Variants in BEAN1 observed in about 807,000 individuals in gnomAD.
BEAN1 encodes the protein protein BEAN1.
Under a neutral mutation model 17.7 loss-of-function variants are expected in BEAN1, and 17 were observed. That is an observed-to-expected ratio of 0.96 (90% CI 0.66 to 1.44). The LOEUF (loss-of-function observed/expected upper bound fraction) is 1.44. Among genes scored for constraint, BEAN1 ranks in the 40% most tolerant of loss-of-function variants. The probability of loss-of-function intolerance (pLI) is 0.00; values close to 1 mark genes in which losing one functional copy is unlikely to be tolerated. For synonymous variants in BEAN1, 142 were observed against 151.8 expected (o/e 0.94, Z 0.47); for missense variants, 359 against 374.1 (o/e 0.96, Z 0.33).
chr16:66,441,585 C>A (rs998532762), intron 2 of BEAN1, among the ~76,000 whole-genome samples: 7 of 152,166 alleles, frequency 4.6e-5, no homozygotes, highest in Admixed American at 3.9e-4. Context: ...CTACTCCCTG[C>A]CAGGTTAGAA....
intron 2 of BEAN1, among the ~76,000 whole-genome samples, chr16:66,444,920 G>A (rs147889805): frequency 2.4e-4 from 37 of 152,318 alleles, no homozygotes; most frequent in African/African-American, 7.9e-4. Flanking sequence ...CTGCAGCACC[G>A]CTCCATCATG....
intron 2 of BEAN1, among the ~76,000 whole-genome samples, chr16:66,457,016 G>C (rs1402486181): frequency 6.6e-6 from 1 of 152,214 alleles, no homozygotes; most frequent in African/African-American, 2.4e-5. Flanking sequence ...GTGCTCTCCT[G>C]TTCACTCTGA....
intron 1 of BEAN1, among the ~76,000 whole-genome samples, chr16:66,429,522 C>T (rs1452772609): frequency 2.0e-5 from 3 of 152,266 alleles, no homozygotes; most frequent in Non-Finnish European, 4.4e-5. Context: ...ATGTTGGTCC[C>T]TGGCCACCTG....
intron 2 of BEAN1, among the ~76,000 whole-genome samples, chr16:66,438,589 G>C (rs1009736203): frequency 6.6e-6 from 1 of 152,148 alleles, no homozygotes; most frequent in African/African-American, 2.4e-5. Context: ...GAAGCCTGTA[G>C]ATGATCTTGC....
intron 2 of BEAN1, among the ~76,000 whole-genome samples, chr16:66,447,096 C>T (rs994360826): frequency 6.6e-6 from 1 of 152,122 alleles, no homozygotes; most frequent in African/African-American, 2.4e-5. Flanking sequence ...ATACCAAGAC[C>T]CTGTCTCTAC....
At chr16:66,456,486 A>G (rs1380947170) in intron 2 of BEAN1, among the ~76,000 whole-genome samples, 2 of 152,178 alleles carry the variant, frequency 1.3e-5, no homozygotes, top group African/African-American at 4.8e-5. Context: ...TATATTATAT[A>G]TATAAAAGCC....
intron 3 of BEAN1, among the ~76,000 whole-genome samples, chr16:66,474,605 A>AGGGAGGGAGGGAGG (rs1963640670): frequency 1.4e-4 from 1 of 6,956 alleles, no homozygotes; most frequent in African/African-American, 6.9e-4. Flanking sequence ...AGGGAGGGAG[A>AGGGAGGGAGGGAGG]GAGGGAGGGA....
chr16:66,448,716 G>A (rs1281501372), intron 2 of BEAN1, among the ~76,000 whole-genome samples: 1 of 152,232 alleles, frequency 6.6e-6, no homozygotes, highest in East Asian at 1.9e-4. Context: ...CCAGCTACTT[G>A]GGAGGCAGAG....
At chr16:66,431,744 T>G (rs1961812508) in intron 1 of BEAN1, among the ~76,000 whole-genome samples, 1 of 152,150 alleles carries the variant, frequency 6.6e-6, no homozygotes, top group Non-Finnish European at 1.5e-5. Context: ...TTACTTTTTT[T>G]TTTCTTTTTT....
rs1267070332 is a variant in BEAN1, at chr16:66,434,844, T to C, written c.-82-2751T>C. On this transcript the variant is annotated intron_variant, in intron 1 of 4. Transcript: ENST00000536005. This position sits in a 1 kb window ranked among gnomAD's most constrained non-coding sequence, Gnocchi z 4.3. ...TTGCATCAGGCTGAGGTTGGCTTGC[T>C]CTAGTGTTTCCATGCACTTTTGAAC... 6.6e-6 allele frequency among the ~76,000 whole-genome samples: 1 copy of C among 152,122 alleles called. No homozygotes were observed. Among genetic ancestry groups the C allele is most frequent in the Non-Finnish European group, 1.5e-5 (1 of 68,022 alleles).
intron 2 of BEAN1, among the ~76,000 whole-genome samples, chr16:66,449,939 G>T (rs993544556): frequency 6.6e-6 from 1 of 152,136 alleles, no homozygotes; most frequent in South Asian, 2.1e-4. Flanking sequence ...CAAATTCCCA[G>T]ACATTATGTA....
rs142815043 is a variant in BEAN1, at chr16:66,433,047, C to G, written c.-82-4548C>G. 2.5e-3 allele frequency among the ~76,000 whole-genome samples: 380 copies of G among 152,334 alleles called. 1 individual carries two copies. The highest frequency in any genetic ancestry group is 7.9e-3 in the African/African-American group (330 of 41,574). On this transcript the variant is annotated intron_variant, in intron 1 of 4. Transcript: ENST00000536005. Reference sequence around the variant, plus strand: ...GACTGTCAAAGTGTGGCTCACCAGTCTGTCCCCAGCACCTAAAACCTGCTG... The same window carrying G: ...GACTGTCAAAGTGTGGCTCACCAGTGTGTCCCCAGCACCTAAAACCTGCTG...
chr16:66,455,236 G>C (rs936541268), intron 2 of BEAN1, among the ~76,000 whole-genome samples: 1 of 152,056 alleles, frequency 6.6e-6, no homozygotes, highest in Non-Finnish European at 1.5e-5. Context: ...ACCACTTCTG[G>C]GTACATCCTC....
At chr16:66,457,725 C>A (rs1466573456) in intron 2 of BEAN1, among the ~76,000 whole-genome samples, 3 of 152,050 alleles carry the variant, frequency 2.0e-5, no homozygotes, top group African/African-American at 7.2e-5. Flanking sequence ...CTCCAACATC[C>A]CTCTATCAGT....
intron 4 of BEAN1, among the ~76,000 whole-genome samples, chr16:66,490,408 A>ATAATATAAAATAAT (rs1964152444): frequency 8.9e-6 from 1 of 112,864 alleles, no homozygotes; most frequent in Non-Finnish European, 1.7e-5. Flanking sequence ...ATAAAATAAA[A>ATAATATAAAATAAT]TAAAATAAAA....
chr16:66,448,959 ACAATC>A (rs1325301743), intron 2 of BEAN1, among the ~76,000 whole-genome samples: 2 of 152,228 alleles, frequency 1.3e-5, no homozygotes, highest in African/African-American at 4.8e-5. Flanking sequence ...TCAGTGAGCT[ACAATC>A]TTGCCACTGT....
downstream of BEAN1, chr16:66,484,862 T>C (rs1276738349): frequency 8.8e-6 from 4 of 453,984 alleles, 1 homozygote; most frequent in Non-Finnish European, 1.8e-5. This position sits in a 1 kb window ranked among gnomAD's most constrained non-coding sequence, Gnocchi z 4.2. Context: ...GCAGACATTT[T>C]TGGAGGCTGC....
chr16:66,492,661 G>A (rs536231816), intron 4 of BEAN1, among the ~76,000 whole-genome samples: 6 of 151,320 alleles, frequency 4.0e-5, no homozygotes, highest in Non-Finnish European at 8.8e-5. Context: ...GGCTGGTCTC[G>A]AACTCCTGAC....
chr16:66,452,846 A>G (rs1464334932), intron 2 of BEAN1, among the ~76,000 whole-genome samples: 1 of 152,112 alleles, frequency 6.6e-6, no homozygotes, highest in Non-Finnish European at 1.5e-5. Context: ...ACAGCTCCCC[A>G]GGATGGAGAG....
Sources: gnomAD v4.1 joint callset for allele counts (sites outside exome capture counted in the v4.1 genomes callset) on GRCh38, gnomAD v4.1.1 for gene constraint, Gnocchi (gnomAD v3.1) non-coding constraint, MANE v1.5 for transcripts, NCBI Gene and HGNC (gene_info 2026-07-23, HGNC 2026-07-21) for gene names.